Variants in MPV17L observed in about 807,000 individuals in gnomAD.
The protein encoded by MPV17L is MPV17 mitochondrial inner membrane protein like.
A neutral mutation model predicts 25.8 loss-of-function variants in MPV17L; 24 were observed. The ratio of observed to expected loss-of-function variants is 0.93; its 90% CI spans 0.67 to 1.31. The LOEUF (loss-of-function observed/expected upper bound fraction) is 1.31. Ranked by LOEUF, MPV17L falls within the 50% of genes most tolerant of loss-of-function variation. MPV17L has a pLI of 0.00. For missense variants in MPV17L, 250 were observed against 265.6 expected, an observed-to-expected ratio of 0.94 and a Z score of 0.41; for synonymous variants, 102 against 115.3, an observed-to-expected ratio of 0.88 and a Z score of 0.74.
intron 2 of MPV17L, among the ~76,000 whole-genome samples, chr16:15,404,344 G>T (rs993843003): frequency 5.3e-5 from 8 of 152,118 alleles, no homozygotes; most frequent in African/African-American, 1.9e-4. Context: ...TTCACAGTTA[G>T]GTAATGGCAG....
chr16:15,408,086 G>T lies in MPV17L; in HGVS notation c.565G>T (p.Ala189Ser). 1 of 1,607,278 alleles carries T rather than the reference G, an allele frequency of 6.2e-7. No homozygotes were observed. Among genetic ancestry groups the T allele is most frequent in the Non-Finnish European group, 8.5e-7 (1 of 1,176,130 alleles). The change falls in exon 4 of 4, where the codon GCC becomes TCC. Residue 189 changes from alanine (A) to serine (S), a missense_variant. Physicochemically the swap from Ala to Ser is moderately conservative, Grantham distance 99. Coordinates refer to ENST00000396385, the MANE Select transcript of MPV17L (RefSeq NM_001128423.2). ...CATTTTATATACAAAGGGGACCAGT[G>T]CCACAGAAGGGTACCCGAAGAAATG... is the stretch of plus-strand genomic sequence containing the variant. ...FTILYTKGTS[A>S]TEGYPKK
At position 15,411,568 on chromosome 16, in the gene MPV17L, C is replaced by G. The variant is rs1369043684; in HGVS notation, c.*3456C>G. On this transcript the variant is annotated 3_prime_UTR_variant, in exon 4 of 4. Coordinates refer to ENST00000396385, the MANE Select transcript of MPV17L (RefSeq NM_001128423.2). ...GACTCATGCAGGAGGATCTCTCGAG[C>G]TCAGGAGGCAGAAGATGAATAAATA... 6.6e-6 allele frequency: 1 copy of G among 152,138 alleles called. No homozygotes were observed. The highest frequency in any genetic ancestry group is 2.4e-5 in the African/African-American group (1 of 41,432). 9.4% of individuals were successfully genotyped at this position (152,138 alleles called of 1,614,324 possible).
chr16:15,399,072 G>A (rs1451566498), intron 1 of MPV17L, among the ~76,000 whole-genome samples: 2 of 152,002 alleles, frequency 1.3e-5, no homozygotes, highest in Non-Finnish European at 2.9e-5. Flanking sequence ...ACTCTGGCTT[G>A]GGAATCAGAC....
chr16:15,413,135 C>T lies in MPV17L; in HGVS notation c.*5023C>T, dbSNP rs1363167239. On this transcript the variant is annotated 3_prime_UTR_variant, in exon 4 of 4. Transcript: ENST00000396385. The stretch of plus-strand genomic sequence containing the variant: ...AGCTTTCATTTGAAATTAGGTTCAT[C>T]TTCTGAGAGTATTAAAAAGTTAATG... The T allele has an allele frequency of 1.3e-5, 2 of 152,112 alleles. No individual in the cohort carries two copies. Among genetic ancestry groups the T allele is most frequent in the Non-Finnish European group, 1.5e-5 (1 of 68,036 alleles). The allele number at this position is 152,112 out of a possible 1,614,324, so 9.4% of individuals were successfully genotyped here. A position where few individuals can be genotyped will look rare whatever the true frequency, so the allele number is the denominator to read the frequency against.
chr16:15,409,324 T>TAAGC lies in MPV17L; in HGVS notation c.*1213_*1216dup, dbSNP rs2050712253. Reference sequence around the variant, plus strand: ...CTCTGTCCGTCCTCTGAGCTCAAGCTAAGCCATCATATCCCAGTGACCTGC... The same window carrying TAAGC: ...CTCTGTCCGTCCTCTGAGCTCAAGCTAAGCAAGCCATCATATCCCAGTGACCTGC... On this transcript the variant is annotated 3_prime_UTR_variant, in exon 4 of 4. Coordinates refer to ENST00000396385, the MANE Select transcript of MPV17L (RefSeq NM_001128423.2). 6.6e-6 allele frequency: 1 copy of TAAGC among 152,576 alleles called. No homozygotes were observed. Among genetic ancestry groups the TAAGC allele is most frequent in the Admixed American group, 6.6e-5 (1 of 15,238 alleles). The allele number at this position is 152,576 out of a possible 1,614,324, so 9.5% of individuals were successfully genotyped here.
At position 15,411,938 on chromosome 16, in the gene MPV17L, A is replaced by C. The variant is rs1189853862; in HGVS notation, c.*3826A>C. ...AAGTATTAAAGTACTAACAGAAGAAAATTTCCACTGATCACCCTTTAGCTT... is the reference window on the plus strand; with the variant it reads ...AAGTATTAAAGTACTAACAGAAGAACATTTCCACTGATCACCCTTTAGCTT... On this transcript the variant is annotated 3_prime_UTR_variant, in exon 4 of 4. Transcript: ENST00000396385. 6.6e-6 allele frequency: 1 copy of C among 152,078 alleles called. No individual in the cohort carries two copies. The highest frequency in any genetic ancestry group is 1.9e-4 in the East Asian group (1 of 5,192). The allele number at this position is 152,078 out of a possible 1,614,324, so 9.4% of individuals were successfully genotyped here.
At position 15,410,553 on chromosome 16, in the gene MPV17L, A is replaced by G. The variant is rs1598428854; in HGVS notation, c.*2441A>G. 6.6e-6 allele frequency: 1 copy of G among 152,170 alleles called. No homozygotes were observed. The allele number at this position is 152,170 out of a possible 1,614,324, so 9.4% of individuals were successfully genotyped here. On this transcript the variant is annotated 3_prime_UTR_variant, in exon 4 of 4. Coordinates refer to ENST00000396385, the MANE Select transcript of MPV17L (RefSeq NM_001128423.2). ...GTGACAGAGTGAGACTCCGTCTCAA[A>G]AAAAAAAAGTTTCAGTAAATTCCAC...
chr16:15,403,431 G>T (rs1321122346), intron 2 of MPV17L, among the ~76,000 whole-genome samples: 1 of 151,046 alleles, frequency 6.6e-6, no homozygotes, highest in Non-Finnish European at 1.5e-5. Flanking sequence ...CCAGCACTTT[G>T]GGAGGCTAAG....
intron 2 of MPV17L, among the ~76,000 whole-genome samples, chr16:15,402,533 C>T (rs1290997420): frequency 6.8e-6 from 1 of 147,668 alleles, no homozygotes; most frequent in African/African-American, 2.5e-5. Context: ...CAGAGGCTTC[C>T]CCTGAGCCTC....
chr16:15,401,076 ATATATATATATTT>A (rs1241337432), intron 2 of MPV17L, among the ~76,000 whole-genome samples: 1 of 31,290 alleles, frequency 3.2e-5, no homozygotes, highest in Non-Finnish European at 8.1e-5. Flanking sequence ...ATATATATAT[ATATATATATATTT>A]TTTTTTTTTT....
In MPV17L at chr16:15,408,712, C is replaced by T. The variant is rs2150908846; in HGVS notation, c.*600C>T. 1 of 148,396 alleles carries T rather than the reference C, an allele frequency of 6.7e-6. No individual in the cohort carries two copies. Among genetic ancestry groups the T allele is most frequent in the East Asian group, 2.0e-4 (1 of 5,006 alleles). The allele number at this position is 148,396 out of a possible 1,614,324, so 9.2% of individuals were successfully genotyped here. A position where few individuals can be genotyped will look rare whatever the true frequency, so the allele number is the denominator to read the frequency against. On this transcript the variant is annotated 3_prime_UTR_variant, in exon 4 of 4. Coordinates refer to ENST00000396385, the MANE Select transcript of MPV17L (RefSeq NM_001128423.2). ...CCATCCTCTGGGTTCAAGCAATTCT[C>T]CTGCCTCAGGCTCCTGAGTAGCTGG... is the stretch of plus-strand genomic sequence containing the variant.
Position 15,396,222 on chromosome 16 carries a change from G to A in MPV17L, c.310+15G>A, listed in dbSNP as rs1403024754. On this transcript the variant is annotated intron_variant, in intron 1 of 3. Transcript: ENST00000396385. ...CTTCTATGTCGGTGAGGGGCCGGGA[G>A]GGGACCTGGGGGGTGGGACCCAGTA... 2.6e-6 allele frequency: 4 copies of A among 1,546,182 alleles called. No individual in the cohort carries two copies. The highest frequency in any genetic ancestry group is 2.6e-6 in the Non-Finnish European group (3 of 1,146,158).
chr16:15,397,623 A>C (rs2050598530), intron 1 of MPV17L, among the ~76,000 whole-genome samples: 2 of 152,156 alleles, frequency 1.3e-5, no homozygotes, highest in African/African-American at 4.8e-5. Context: ...TGGGGATCAC[A>C]GATCTCCCCC....
chr16:15,405,100 G>A (rs2050669383), intron 2 of MPV17L, among the ~76,000 whole-genome samples: 1 of 152,020 alleles, frequency 6.6e-6, no homozygotes, highest in South Asian at 2.1e-4. Flanking sequence ...GGATCATCTT[G>A]TACTTGCACC....
intron 2 of MPV17L, 70 bp downstream of exon 2, chr16:15,400,927 T>C: frequency 1.0e-6 from 1 of 1,002,292 alleles, no homozygotes; most frequent in Non-Finnish European, 1.3e-6. Flanking sequence ...TGTATAAAAA[T>C]ATATGTTTTG....
intron 2 of MPV17L, among the ~76,000 whole-genome samples, chr16:15,403,631 C>A (rs2050657775): frequency 6.7e-6 from 1 of 150,010 alleles, no homozygotes. Flanking sequence ...GTGATTGCAC[C>A]GCTGCACACC....
intron 2 of MPV17L, among the ~76,000 whole-genome samples, chr16:15,404,146 A>C (rs2050661988): frequency 6.6e-6 from 1 of 152,166 alleles, no homozygotes; most frequent in Admixed American, 6.5e-5. Flanking sequence ...GAAGTTATGC[A>C]CATACTGGGG....
rs755973908 is a variant in MPV17L, at chr16:15,400,805, G to C, written c.329G>C (p.Gly110Ala). The change falls in exon 2 of 4, where the codon GGA becomes GCA. Residue 110 changes from glycine to alanine, a missense_variant. Gly to Ala is a moderately conservative substitution (Grantham distance 60, BLOSUM62 0). Transcript: ENST00000396385. ...AFYVGMSILQ[G>A]KDDIFLDLKQ... The stretch of plus-strand genomic sequence containing the variant: ...CAAATAGGTATGAGCATTCTCCAAG[G>C]AAAGGATGACATATTTTTGGACCTG... The C allele has an allele frequency of 5.6e-6, 9 of 1,604,622 alleles. No individual in the cohort carries two copies. Among genetic ancestry groups the C allele is most frequent in the Non-Finnish European group, 7.7e-6 (9 of 1,175,764 alleles).
At position 15,395,859 on chromosome 16, in the gene MPV17L, C is replaced by T. The variant is rs190936580; in HGVS notation, c.-39C>T. On this transcript the variant is annotated 5_prime_UTR_variant, in exon 1 of 4. Coordinates refer to ENST00000396385, the MANE Select transcript of MPV17L (RefSeq NM_001128423.2). ...CGGACCCGGTGCAGGAAGACGCCGA[C>T]CACGCGGGCTCCTGATCGCGGGCGC... is the stretch of plus-strand genomic sequence containing the variant. The T allele has an allele frequency of 1.5e-6, 2 of 1,373,222 alleles. No individual in the cohort carries two copies. The highest frequency in any genetic ancestry group is 1.9e-6 in the Non-Finnish European group (2 of 1,073,766). 85.1% of individuals were successfully genotyped at this position (1,373,222 alleles called of 1,614,324 possible).
Sources: allele counts gnomAD v4.1 joint callset (sites outside exome capture counted in the v4.1 genomes callset), GRCh38; gene constraint gnomAD v4.1.1; transcripts MANE v1.5; gene names NCBI Gene and HGNC (gene_info 2026-07-23, HGNC 2026-07-21).